Variants in SNX25 observed in about 807,000 individuals in gnomAD.
SNX25 encodes the protein sorting nexin-25.
A neutral mutation model predicts 113.7 loss-of-function variants in SNX25; 62 were observed. The ratio of observed to expected loss-of-function variants is 0.55; its 90% CI spans 0.44 to 0.67. SNX25 has a LOEUF of 0.67. Ranked by LOEUF, SNX25 falls within the 30% of genes least tolerant of loss-of-function variation. SNX25 has a pLI of 0.00. For synonymous variants in SNX25, 421 were observed against 436.2 expected, an observed-to-expected ratio of 0.97 and a Z score of 0.43; for missense variants, 1,014 against 1,161.0, an observed-to-expected ratio of 0.87 and a Z score of 1.84.
chr4:185,301,956 A>G (rs1451844036), intron 6 of SNX25, among the ~76,000 whole-genome samples: 4 of 141,476 alleles, frequency 2.8e-5, no homozygotes, highest in African/African-American at 5.3e-5. Flanking sequence ...CTGGAGTGCA[A>G]TGGTGTGATC....
At chr4:185,261,296 C>A (rs1196189286) in intron 3 of SNX25, among the ~76,000 whole-genome samples, 1 of 152,098 alleles carries the variant, frequency 6.6e-6, no homozygotes, top group Non-Finnish European at 1.5e-5. Flanking sequence ...TGTGCCTTAG[C>A]CCCCTGAGTA....
At chr4:185,335,792 C>G (rs1051612618) in intron 10 of SNX25, among the ~76,000 whole-genome samples, 1 of 152,070 alleles carries the variant, frequency 6.6e-6, no homozygotes, top group African/African-American at 2.4e-5. Context: ...TGGTGCTGTG[C>G]GAGTCACTGT....
Position 185,363,070 on chromosome 4 carries a change from T to C in SNX25, c.2935-315T>C, listed in dbSNP as rs1483091421. Among the ~76,000 whole-genome samples the C allele has an allele frequency of 6.6e-6, 1 of 152,154 alleles. No homozygotes were observed. Among genetic ancestry groups the C allele is most frequent in the Non-Finnish European group, 1.5e-5 (1 of 68,016 alleles). On this transcript the variant is annotated intron_variant, in intron 18 of 18. Transcript: ENST00000652585. This position sits in a 1 kb window ranked among gnomAD's most constrained non-coding sequence, Gnocchi z 4.2. Reference sequence around the variant, plus strand: ...GTTGGCTGGGATGGTCTCTAACTCCTGACCTCAGGTGATCTGTCTGCCTCA... The same window carrying C: ...GTTGGCTGGGATGGTCTCTAACTCCCGACCTCAGGTGATCTGTCTGCCTCA...
chr4:185,271,766 T>TG (rs1748964722), intron 5 of SNX25, among the ~76,000 whole-genome samples: 1 of 152,258 alleles, frequency 6.6e-6, no homozygotes, highest in Non-Finnish European at 1.5e-5. Context: ...ATTTGAGAGA[T>TG]GCGTATTTTC....
chr4:185,323,563 G>T lies in SNX25; in HGVS notation c.1512G>T (p.Gln504His). Residue 504 changes from glutamine to histidine, a missense_variant, in exon 9 of 19, where the codon CAG becomes CAT. Coordinates refer to ENST00000652585, the MANE Select transcript of SNX25 (RefSeq NM_001378034.2). ...EIPQLVGEIY[Q>H]NFFVESKEIS... The stretch of plus-strand genomic sequence containing the variant: ...CACAATTAGTTGGTGAAATTTATCA[G>T]AATTTCTTTGTGGAGAGCAAAGAAA... 1 of 1,611,638 alleles carries T rather than the reference G, an allele frequency of 6.2e-7. No homozygotes were observed. The highest frequency in any genetic ancestry group is 1.1e-5 in the South Asian group (1 of 90,360).
At chr4:185,361,415 A>G (rs910282513) in intron 16 of SNX25, among the ~76,000 whole-genome samples, 2 of 152,210 alleles carry the variant, frequency 1.3e-5, no homozygotes, top group Non-Finnish European at 2.9e-5. Context: ...AATTATCTCC[A>G]GGAATAACTG....
At chr4:185,260,606 T>C (rs1291020886) in intron 3 of SNX25, among the ~76,000 whole-genome samples, 1 of 152,258 alleles carries the variant, frequency 6.6e-6, no homozygotes, top group Non-Finnish European at 1.5e-5. Context: ...CTAAGAATTT[T>C]TAAAAGTGCA....
chr4:185,303,927 A>C (rs1423054001), intron 6 of SNX25, among the ~76,000 whole-genome samples: 1 of 152,182 alleles, frequency 6.6e-6, no homozygotes, highest in Non-Finnish European at 1.5e-5. Flanking sequence ...CAGGTTGAAA[A>C]GTAAGGCAAA....
rs1315511590 is a variant in SNX25 at position 185,323,546 on chromosome 4, G to A, written c.1495G>A (p.Val499Ile). Residue 499 changes from valine (V) to isoleucine (I), a missense_variant, in exon 9 of 19, where the codon GTT becomes ATT. Physicochemically the swap from Val to Ile is conservative, Grantham distance 29. Transcript: ENST00000652585. ...NANKNEIPQL[V>I]GEIYQNFFVE... ...TTTTCAGAATGAAATTCCACAATTA[G>A]TTGGTGAAATTTATCAGAATTTCTT... 5.6e-6 allele frequency: 9 copies of A among 1,610,688 alleles called. No homozygotes were observed. The highest frequency in any genetic ancestry group is 2.2e-5 in the South Asian group (2 of 90,322).
rs1303856706 is a variant in SNX25, at chr4:185,210,015, G to T, written c.189G>T (p.Val63=). Residue 63 remains valine (V), a synonymous_variant, in exon 1 of 19, where the codon GTG becomes GTT. Transcript: ENST00000652585. The surrounding 1 kb of genome is among the most constrained non-coding windows in gnomAD (Gnocchi z 4.4). ...GGAGCTGGTGGAAGCCCGTGGCGGT[G>T]GCCGCACTCGCCGCCGTGGCCCTCT... ...GGRSWWKPVA[V]AALAAVALSF... is the part of the protein sequence containing the mutation. The T allele has an allele frequency of 9.1e-6, 9 of 983,830 alleles. No homozygotes were observed. The Admixed American group carries it at 2.5e-4, about 27-fold the overall frequency. The allele number at this position is 983,830 out of a possible 1,614,324, so 60.9% of individuals were successfully genotyped here.
chr4:185,264,538 T>G lies in SNX25; in HGVS notation c.832T>G (p.Cys278Gly). Residue 278 changes from cysteine to glycine, a missense_variant, in exon 4 of 19, where the codon TGT becomes GGT. Transcript: ENST00000652585. ...LQTCSRVLVF[C>G]LLPSKDVQSL... ...AACGTGTTCTCGGGTTCTGGTGTTT[T>G]GTCTCCTCCCCTCAAAGGATGTGCA... The G allele has an allele frequency of 6.2e-7, 1 of 1,614,112 alleles. No individual in the cohort carries two copies. Among genetic ancestry groups the G allele is most frequent in the South Asian group, 1.1e-5 (1 of 91,084 alleles).
At chr4:185,286,092 G>A (rs1751313089) in intron 5 of SNX25, among the ~76,000 whole-genome samples, 1 of 150,870 alleles carries the variant, frequency 6.6e-6, no homozygotes, top group Non-Finnish European at 1.5e-5. Flanking sequence ...TCTGTTTTGG[G>A]GTTTGTTTTG....
Position 185,209,618 on chromosome 4 carries a change from C to G in SNX25, c.-209C>G. 1 of 504,702 alleles carries G rather than the reference C, an allele frequency of 2.0e-6. No homozygotes were observed. Among genetic ancestry groups the G allele is most frequent in the Non-Finnish European group, 2.6e-6 (1 of 390,650 alleles). 31.3% of individuals were successfully genotyped at this position (504,702 alleles called of 1,614,324 possible). On this transcript the variant is annotated 5_prime_UTR_variant, in exon 1 of 19. Transcript: ENST00000652585. The surrounding 1 kb of genome is among the most constrained non-coding windows in gnomAD (Gnocchi z 5.2). Reference sequence around the variant, plus strand: ...GCTTCAGTCACAACACGGTGGGGCTCCCTGGCTGCGCCCGGCCCGGCAGCT... The same window carrying G: ...GCTTCAGTCACAACACGGTGGGGCTGCCTGGCTGCGCCCGGCCCGGCAGCT...
chr4:185,215,451 A>G (rs1738664792), intron 1 of SNX25, among the ~76,000 whole-genome samples: 1 of 152,232 alleles, frequency 6.6e-6, no homozygotes, highest in Non-Finnish European at 1.5e-5. Context: ...TCAGATGGCT[A>G]GGATTCCTAA....
intron 9 of SNX25, among the ~76,000 whole-genome samples, chr4:185,329,681 C>CAGAGAGAGAGAGAGAG (rs111361928): frequency 3.4e-5 from 5 of 148,922 alleles, no homozygotes; most frequent in African/African-American, 1.2e-4. Context: ...AAGACAGACA[C>CAGAGAGAGAGAGAGAG]AGAGAGAGAG....
intron 5 of SNX25, among the ~76,000 whole-genome samples, chr4:185,275,736 A>C (rs961640484): frequency 1.3e-5 from 2 of 152,240 alleles, no homozygotes; most frequent in African/African-American, 2.4e-5. Context: ...TAAGAAATCA[A>C]GTGTACCTCC....
At chr4:185,323,023 C>A (rs758301014) in intron 8 of SNX25, among the ~76,000 whole-genome samples, 2 of 152,156 alleles carry the variant, frequency 1.3e-5, no homozygotes, top group Non-Finnish European at 2.9e-5. Flanking sequence ...AGGCTCATTG[C>A]TGAAGACAAA....
rs1272164016 is a variant in SNX25, at chr4:185,339,447, G to A, written c.1983G>A (p.Met661Ile). The A allele has an allele frequency of 6.2e-7, 1 of 1,614,084 alleles. No homozygotes were observed. The highest frequency in any genetic ancestry group is 1.7e-5 in the Admixed American group (1 of 60,018). Residue 661 changes from methionine (M) to isoleucine (I), a missense_variant, in exon 11 of 19, where the codon ATG (methionine) becomes ATA (isoleucine). Physicochemically the swap from Met to Ile is conservative, Grantham distance 10. Coordinates refer to ENST00000652585, the MANE Select transcript of SNX25 (RefSeq NM_001378034.2). Reference sequence around the variant, plus strand: ...AACGCACAGACCTTCAGCTGCACATGGCAAGAACGGATTGGTGGTGTGAAA... The same window carrying A: ...AACGCACAGACCTTCAGCTGCACATAGCAAGAACGGATTGGTGGTGTGAAA... ...EKERTDLQLHMARTDWWCENL... is the reference protein window; with the variant it reads ...EKERTDLQLHIARTDWWCENL...
intron 5 of SNX25, among the ~76,000 whole-genome samples, chr4:185,285,981 T>C (rs1285519351): frequency 6.6e-6 from 1 of 151,822 alleles, no homozygotes; most frequent in Non-Finnish European, 1.5e-5. Flanking sequence ...TCTCCCTTTG[T>C]TTCCCAGGCT....
Sources: gnomAD v4.1 joint callset for allele counts (sites outside exome capture counted in the v4.1 genomes callset) on GRCh38, gnomAD v4.1.1 for gene constraint, Gnocchi (gnomAD v3.1) non-coding constraint, MANE v1.5 for transcripts, NCBI Gene and HGNC (gene_info 2026-07-23, HGNC 2026-07-21) for gene names.